The following ICA1L variants were observed in gnomAD, a reference collection of about 807,000 sequenced individuals.
The protein encoded by ICA1L is islet cell autoantigen 1 like.
In ICA1L, 50 loss-of-function variants were observed where a neutral mutation model predicts 61.3. That is an observed-to-expected ratio of 0.82 (90% CI 0.65 to 1.03). The LOEUF (loss-of-function observed/expected upper bound fraction) is 1.03. Among genes scored for constraint, ICA1L ranks in the 50% least tolerant of loss-of-function variants. ICA1L has a pLI of 0.00. For synonymous variants in ICA1L, 161 were observed against 191.3 expected, an observed-to-expected ratio of 0.84 and a Z score of 1.31; for missense variants, 508 against 556.7, an observed-to-expected ratio of 0.91 and a Z score of 0.88.
chr2:202,856,024 G>T (rs1392723338), intron 1 of ICA1L, among the ~76,000 whole-genome samples: 1 of 141,110 alleles, frequency 7.1e-6, no homozygotes, highest in Non-Finnish European at 1.5e-5. Context: ...AGTGAGCCGA[G>T]ATTGCACCAC....
intron 11 of ICA1L, chr2:202,786,563 AAATAAT>A: frequency 4.0e-6 from 1 of 247,100 alleles, no homozygotes; most frequent in Non-Finnish European, 8.1e-6. Context: ...CTCAAAAAAA[AAATAAT>A]AATAATAATT....
intron 12 of ICA1L, among the ~76,000 whole-genome samples, chr2:202,785,463 G>C (rs1559126167): frequency 6.6e-6 from 1 of 152,156 alleles, no homozygotes; most frequent in Non-Finnish European, 1.5e-5. Context: ...CTGTCGCCCA[G>C]GCTGGAGTGA....
chr2:202,864,450 G>A (rs191281836), intron 1 of ICA1L, among the ~76,000 whole-genome samples: 112 of 151,814 alleles, frequency 7.4e-4, no homozygotes, highest in Middle Eastern at 3.4e-3. Flanking sequence ...TTTCACCGTG[G>A]TCTCGATCTC....
chr2:202,805,432 TAAAGAAAG>T (rs202026708), intron 9 of ICA1L, among the ~76,000 whole-genome samples: 1 of 151,858 alleles, frequency 6.6e-6, no homozygotes, highest in Non-Finnish European at 1.5e-5. Flanking sequence ...AATATAGCCT[TAAAGAAAG>T]AAAGAAAGAA....
chr2:202,842,094 AT>A (rs1306389325), intron 1 of ICA1L, among the ~76,000 whole-genome samples: 1 of 152,124 alleles, frequency 6.6e-6, no homozygotes, highest in Non-Finnish European at 1.5e-5. Context: ...ACCTCAGGTG[AT>A]CTGCCTGCCT....
At chr2:202,868,607 T>G (rs1257240390) in intron 1 of ICA1L, among the ~76,000 whole-genome samples, 3 of 152,110 alleles carry the variant, frequency 2.0e-5, no homozygotes, top group African/African-American at 7.2e-5. Context: ...CTAGAAACAA[T>G]CTAAGTATAT....
intron 1 of ICA1L, among the ~76,000 whole-genome samples, chr2:202,854,372 G>T (rs1288577093): frequency 6.6e-6 from 1 of 152,086 alleles, no homozygotes; most frequent in Non-Finnish European, 1.5e-5. Context: ...CCCAATACAG[G>T]AGCACCCAGA....
chr2:202,782,617 C>CA (rs1454641374), intron 12 of ICA1L, among the ~76,000 whole-genome samples: 2 of 152,012 alleles, frequency 1.3e-5, no homozygotes, highest in African/African-American at 4.8e-5. Context: ...CCATGTTGGC[C>CA]AGGCTGGTCT....
intron 1 of ICA1L, among the ~76,000 whole-genome samples, chr2:202,868,800 T>C (rs1208600258): frequency 6.6e-6 from 1 of 151,480 alleles, no homozygotes; most frequent in Non-Finnish European, 1.5e-5. Flanking sequence ...AACCCCCATC[T>C]CTACTAAAAA....
rs568488012 is a variant in ICA1L, at chr2:202,849,911, C to A, written c.-7-20895G>T. On this transcript the variant is annotated intron_variant, in intron 1 of 12. Coordinates refer to ENST00000358299, the MANE Select transcript of ICA1L (RefSeq NM_001288622.3). This position sits in a 1 kb window ranked among gnomAD's most constrained non-coding sequence, Gnocchi z 4.5. ...CATACAGGAGAGTTCCAGCTGGCAT[C>A]AGGCTGGTGCCCCTCTGGAACAAAG... is the stretch of plus-strand genomic sequence containing the variant. Among the ~76,000 whole-genome samples, 7 of 152,316 alleles carry A rather than the reference C, an allele frequency of 4.6e-5. No homozygotes were observed. The South Asian group carries it at 1.2e-3, about 27-fold the overall frequency.
intron 1 of ICA1L, among the ~76,000 whole-genome samples, chr2:202,843,553 A>C (rs928786585): frequency 3.3e-5 from 5 of 152,200 alleles, no homozygotes; most frequent in Non-Finnish European, 5.9e-5. Context: ...AGTAGCACCC[A>C]TGGAATAATC....
At chr2:202,870,683 CATAA>C in intron 1 of ICA1L, 1 of 152,304 alleles carries the variant, frequency 6.6e-6, no homozygotes, top group Non-Finnish European at 1.5e-5. Context: ...TAAATCAATA[CATAA>C]ATACTTTTGG....
chr2:202,851,856 T>A (rs1297100108), intron 1 of ICA1L, among the ~76,000 whole-genome samples: 1 of 150,646 alleles, frequency 6.6e-6, no homozygotes. Flanking sequence ...TGTGATGGGG[T>A]TTTTTTTCCT....
chr2:202,818,281 G>A (rs1693595068), intron 5 of ICA1L, among the ~76,000 whole-genome samples: 1 of 152,158 alleles, frequency 6.6e-6, no homozygotes, highest in Admixed American at 6.6e-5. Context: ...GAAAGATGAT[G>A]AGCAGGCTAT....
intron 1 of ICA1L, among the ~76,000 whole-genome samples, chr2:202,831,029 G>T (rs541327791): frequency 1.3e-5 from 2 of 152,080 alleles, no homozygotes; most frequent in South Asian, 2.1e-4. Flanking sequence ...GTAAATAGAA[G>T]CAAAATGAAA....
rs1221996305 is a variant in ICA1L, at chr2:202,869,149, G to C, written c.-8+2470C>G. Among the ~76,000 whole-genome samples the C allele has an allele frequency of 3.9e-5, 6 of 152,084 alleles. No individual in the cohort carries two copies. The East Asian group carries it at 1.2e-3, about 29-fold the overall frequency. Reference sequence around the variant, plus strand: ...CTGAGGCGGGCGGATCACGAGGTCAGGAGATCGAGACCATCCTGGCTAACA... The same window carrying C: ...CTGAGGCGGGCGGATCACGAGGTCACGAGATCGAGACCATCCTGGCTAACA... On this transcript the variant is annotated intron_variant, in intron 1 of 12. Coordinates refer to ENST00000358299, the MANE Select transcript of ICA1L (RefSeq NM_001288622.3).
chr2:202,834,992 T>C (rs1315639531), intron 1 of ICA1L, among the ~76,000 whole-genome samples: 1 of 151,936 alleles, frequency 6.6e-6, no homozygotes, highest in Non-Finnish European at 1.5e-5. Flanking sequence ...CCAACATGCC[T>C]GGCTAATTTA....
At chr2:202,800,135 C>T (rs994083460) in intron 9 of ICA1L, among the ~76,000 whole-genome samples, 2 of 152,016 alleles carry the variant, frequency 1.3e-5, no homozygotes, top group African/African-American at 2.4e-5. Context: ...CCCGCCTTGG[C>T]CTCCCAAAGT....
At chr2:202,833,401 C>T (rs866417805) in intron 1 of ICA1L, among the ~76,000 whole-genome samples, 12 of 151,922 alleles carry the variant, frequency 7.9e-5, no homozygotes, top group Non-Finnish European at 1.3e-4. Context: ...GCCAAGATGG[C>T]AAGACTCCAT....
Sources: gnomAD v4.1 joint callset for allele counts (sites outside exome capture counted in the v4.1 genomes callset) on GRCh38, gnomAD v4.1.1 for gene constraint, Gnocchi (gnomAD v3.1) non-coding constraint, MANE v1.5 for transcripts, NCBI Gene and HGNC (gene_info 2026-07-23, HGNC 2026-07-21) for gene names.